Variants in SOX6 observed in about 807,000 individuals in gnomAD.
The protein encoded by SOX6 is transcription factor SOX-6.
A neutral mutation model predicts 97.8 loss-of-function variants in SOX6; 11 were observed. That is an observed-to-expected ratio of 0.11 (90% confidence interval 0.07 to 0.19). The LOEUF (loss-of-function observed/expected upper bound fraction) is 0.19, where lower values mean the gene tolerates loss of function less well. SOX6 is among the 10% of genes least tolerant of loss of function. The pLI, the probability that SOX6 is intolerant of heterozygous loss-of-function variation, is 1.00. For synonymous variants in SOX6, 360 were observed against 371.4 expected, an observed-to-expected ratio of 0.97 and a Z score of 0.35; for missense variants, 810 against 1,039.5, an observed-to-expected ratio of 0.78 and a Z score of 3.04.
intron 1 of SOX6, among the ~76,000 whole-genome samples, chr11:16,473,295 T>C (rs1329456584): frequency 2.0e-5 from 3 of 152,212 alleles, no homozygotes; most frequent in African/African-American, 7.2e-5. Flanking sequence ...CACGCAAACG[T>C]TTTGGTTTCC....
chr11:16,159,544 A>G (rs189243296), intron 6 of SOX6, among the ~76,000 whole-genome samples: 2 of 150,830 alleles, frequency 1.3e-5, no homozygotes, highest in African/African-American at 4.8e-5. Context: ...GATAGAAAAA[A>G]TAAGGTAAAA....
intron 4 of SOX6, among the ~76,000 whole-genome samples, chr11:16,544,395 A>G (rs900380033): frequency 6.6e-6 from 1 of 152,076 alleles, no homozygotes; most frequent in East Asian, 1.9e-4. Flanking sequence ...AGTAGCTGAG[A>G]CCACAGGCAT....
At chr11:16,222,831 T>G (rs907552413) in intron 4 of SOX6, among the ~76,000 whole-genome samples, 1 of 152,168 alleles carries the variant, frequency 6.6e-6, no homozygotes, top group Non-Finnish European at 1.5e-5. Context: ...ATTCAGAAGC[T>G]AAGTAGGTAG....
chr11:16,679,100 G>A (rs1033658281), intron 3 of SOX6, among the ~76,000 whole-genome samples: 1 of 152,186 alleles, frequency 6.6e-6, no homozygotes, highest in Non-Finnish European at 1.5e-5. Context: ...GCTCTGAAGA[G>A]AGCAGTGGTT....
At chr11:16,141,516 T>A (rs1468272321) in intron 6 of SOX6, among the ~76,000 whole-genome samples, 1 of 151,972 alleles carries the variant, frequency 6.6e-6, no homozygotes, top group Non-Finnish European at 1.5e-5. Context: ...GGACAGTGGG[T>A]GCAGGACACT....
intron 3 of SOX6, among the ~76,000 whole-genome samples, chr11:16,666,112 G>C (rs1847805327): frequency 6.6e-6 from 1 of 152,106 alleles, no homozygotes; most frequent in Non-Finnish European, 1.5e-5. Context: ...AGACTACAAA[G>C]ACTACAATGA....
intron 13 of SOX6, among the ~76,000 whole-genome samples, chr11:15,999,720 A>G (rs1199646769): frequency 6.6e-6 from 1 of 152,156 alleles, no homozygotes; most frequent in South Asian, 2.1e-4. Flanking sequence ...AAAAACTATA[A>G]TTGATTGCTT....
At chr11:16,387,726 T>G (rs1227254438) in intron 1 of SOX6, among the ~76,000 whole-genome samples, 1 of 152,150 alleles carries the variant, frequency 6.6e-6, no homozygotes, top group Non-Finnish European at 1.5e-5. Context: ...AAATGAATGC[T>G]GCCAATATAT....
chr11:16,248,625 G>A (rs1853411502), intron 3 of SOX6, among the ~76,000 whole-genome samples: 1 of 152,222 alleles, frequency 6.6e-6, no homozygotes, highest in African/African-American at 2.4e-5. Flanking sequence ...GCCACAGCAG[G>A]AGCTGAAGCA....
Position 16,288,037 on chromosome 11 carries a change from G to A in SOX6, c.445+30409C>T, listed in dbSNP as rs573868356. ...CTCCCACCTTCATATATATCCTTCA[G>A]GCTTTGTGCTGCCTTTCATACTTTA... On this transcript the variant is annotated intron_variant, in intron 3 of 15. Transcript: ENST00000683767. Among the ~76,000 whole-genome samples, 6 of 152,198 alleles carry A rather than the reference G, an allele frequency of 3.9e-5. No individual in the cohort carries two copies. The East Asian group carries it at 1.2e-3, about 29-fold the overall frequency.
rs765601498 is a variant in SOX6, at chr11:16,097,589, T to A, written c.978+20A>T. ...TAAAGTACTGGCTCATATCCCACAT[T>A]TTTTTCTTCTGGCACTTACCTGGAG... is the stretch of plus-strand genomic sequence containing the variant. On this transcript the variant is annotated intron_variant, in intron 8 of 15. Transcript: ENST00000683767. The A allele has an allele frequency of 1.9e-6, 3 of 1,609,302 alleles. No individual in the cohort carries two copies. Among genetic ancestry groups the A allele is most frequent in the Admixed American group, 1.7e-5 (1 of 59,736 alleles).
chr11:16,542,998 C>T (rs1861431049), intron 4 of SOX6, among the ~76,000 whole-genome samples: 2 of 151,816 alleles, frequency 1.3e-5, no homozygotes, highest in South Asian at 4.1e-4. Context: ...CAAGAACAGT[C>T]TACATACATA....
In SOX6 at chr11:16,409,941, A is replaced by G. The variant is rs201954428; in HGVS notation, c.-5+66374T>C. On this transcript the variant is annotated intron_variant, in intron 1 of 15. Coordinates refer to the SOX6 transcript ENST00000396356. ...AACCAAAAACCACATGTTCTCCCTT[A>G]TATGTGGAATCTAAAACAACTGAAC... Among the ~76,000 whole-genome samples, 3 of 152,136 alleles carry G rather than the reference A, an allele frequency of 2.0e-5. No homozygotes were observed. The East Asian group carries it at 5.8e-4, about 29-fold the overall frequency.
intron 1 of SOX6, among the ~76,000 whole-genome samples, chr11:16,403,948 T>C (rs1385963460): frequency 3.3e-5 from 5 of 151,838 alleles, no homozygotes; most frequent in Non-Finnish European, 7.4e-5. Context: ...TAATTATTCT[T>C]ATGGTCATCC....
At chr11:16,428,805 G>T (rs1470138660) in intron 1 of SOX6, among the ~76,000 whole-genome samples, 1 of 152,148 alleles carries the variant, frequency 6.6e-6, no homozygotes, top group Non-Finnish European at 1.5e-5. Flanking sequence ...ACTTGGAAAT[G>T]CAGGCTCTTT....
At chr11:16,209,201 T>C (rs1852151857) in intron 4 of SOX6, among the ~76,000 whole-genome samples, 2 of 152,210 alleles carry the variant, frequency 1.3e-5, no homozygotes, top group African/African-American at 4.8e-5. Flanking sequence ...TTAAACAAAT[T>C]AGTATTTTAA....
intron 4 of SOX6, among the ~76,000 whole-genome samples, chr11:16,534,609 C>T (rs1402688710): frequency 2.0e-5 from 3 of 152,028 alleles, no homozygotes; most frequent in Admixed American, 1.3e-4. Context: ...AAAACTATGC[C>T]ACTTCACTCA....
intron 1 of SOX6, among the ~76,000 whole-genome samples, chr11:16,449,202 G>T (rs1590208231): frequency 6.6e-6 from 1 of 151,272 alleles, no homozygotes; most frequent in South Asian, 2.1e-4. Flanking sequence ...TATACTGTGA[G>T]GCATGTTGAA....
intron 4 of SOX6, among the ~76,000 whole-genome samples, chr11:16,194,137 C>A (rs555866094): frequency 3.5e-4 from 53 of 152,232 alleles, no homozygotes; most frequent in Admixed American, 2.2e-3. Context: ...AGAAAGGAAC[C>A]CCTGTCCCAG....
Sources: allele counts gnomAD v4.1 joint callset (sites outside exome capture counted in the v4.1 genomes callset), GRCh38; gene constraint gnomAD v4.1.1; transcripts MANE v1.5; gene names NCBI Gene and HGNC (gene_info 2026-07-23, HGNC 2026-07-21).